Variants in NEDD4L observed in about 807,000 individuals in gnomAD.
The protein encoded by NEDD4L is NEDD4 like E3 ubiquitin protein ligase.
NEDD4L carries 54 observed loss-of-function variants against 148.9 expected under a neutral mutation model. That is an observed-to-expected ratio of 0.36 (90% CI 0.29 to 0.45). NEDD4L has a LOEUF of 0.45. Among genes scored for constraint, NEDD4L ranks in the 20% least tolerant of loss-of-function variants. The pLI, the probability that NEDD4L is intolerant of heterozygous loss-of-function variation, is 1.00. For synonymous variants in NEDD4L, 433 were observed against 440.7 expected (o/e 0.98, Z 0.22); for missense variants, 856 against 1,233.8 (o/e 0.69, Z 4.59).
chr18:58,245,955 C>T (rs1247612646), intron 3 of NEDD4L, among the ~76,000 whole-genome samples: 2 of 150,752 alleles, frequency 1.3e-5, no homozygotes, highest in Non-Finnish European at 2.9e-5. Flanking sequence ...GTCGTGGACT[C>T]CCAAAGTGCT....
intron 1 of NEDD4L, among the ~76,000 whole-genome samples, chr18:58,152,057 A>G (rs977522437): frequency 2.0e-5 from 3 of 152,118 alleles, no homozygotes; most frequent in East Asian, 3.8e-4. Context: ...CTCCTATGAA[A>G]ACAATTTAAT....
At chr18:58,248,825 T>C in intron 3 of NEDD4L, 74 bp from the exon 4 acceptor site, 1 of 756,240 alleles carries the variant, frequency 1.3e-6, no homozygotes, top group East Asian at 2.8e-5. Flanking sequence ...TAAGCAAATA[T>C]GTAGACTGTA....
At chr18:58,198,129 T>G (rs1417347385) in intron 2 of NEDD4L, among the ~76,000 whole-genome samples, 1 of 152,122 alleles carries the variant, frequency 6.6e-6, no homozygotes, top group Admixed American at 6.6e-5. Context: ...CCTAGATATG[T>G]GATGGTGGTA....
chr18:58,372,072 T>C (rs2046952623), intron 23 of NEDD4L: 1 of 152,216 alleles, frequency 6.6e-6, no homozygotes, highest in African/African-American at 2.4e-5. Context: ...AGAAAGGGGA[T>C]AACTTAAAAC....
intron 2 of NEDD4L, among the ~76,000 whole-genome samples, chr18:58,218,375 A>G (rs755511898): frequency 6.6e-6 from 1 of 152,228 alleles, no homozygotes; most frequent in Admixed American, 6.5e-5. Context: ...TGTAAGCAAT[A>G]TACAATTAAA....
At chr18:58,121,734 TA>T (rs1190875998) in intron 1 of NEDD4L, among the ~76,000 whole-genome samples, 5 of 152,236 alleles carry the variant, frequency 3.3e-5, no homozygotes, top group Non-Finnish European at 7.3e-5. Flanking sequence ...ATGTTTATTA[TA>T]TTTTCTGATT....
chr18:58,282,759 T>C (rs1371537486), intron 5 of NEDD4L, among the ~76,000 whole-genome samples: 1 of 152,116 alleles, frequency 6.6e-6, no homozygotes, highest in Non-Finnish European at 1.5e-5. Flanking sequence ...CCTAATAATA[T>C]AGAAAAAAGA....
chr18:58,323,929 G>T (rs1230551996), intron 8 of NEDD4L, among the ~76,000 whole-genome samples: 1 of 152,082 alleles, frequency 6.6e-6, no homozygotes, highest in African/African-American at 2.4e-5. Flanking sequence ...GTTTTGTTAG[G>T]CAAATTCTCA....
chr18:58,112,214 G>A (rs1296887368), intron 1 of NEDD4L, among the ~76,000 whole-genome samples: 1 of 152,048 alleles, frequency 6.6e-6, no homozygotes, highest in Non-Finnish European at 1.5e-5. Context: ...TATTTTTTCA[G>A]TGTTTAGGTT....
intron 1 of NEDD4L, among the ~76,000 whole-genome samples, chr18:58,084,677 GT>G (rs1428642215): frequency 4.1e-5 from 6 of 145,656 alleles, no homozygotes; most frequent in Non-Finnish European, 7.6e-5. Flanking sequence ...GTTTTTGTGT[GT>G]GTGTGTGTGT....
chr18:58,179,928 A>C (rs1568338043), intron 2 of NEDD4L, among the ~76,000 whole-genome samples: 1 of 152,036 alleles, frequency 6.6e-6, no homozygotes, highest in Non-Finnish European at 1.5e-5. Context: ...CCAACCCCCA[A>C]ACCAGCCTGG....
chr18:58,302,217 C>T lies in NEDD4L; in HGVS notation c.298-13765C>T, dbSNP rs181901805. 2.4e-4 allele frequency among the ~76,000 whole-genome samples: 36 copies of T among 152,278 alleles called. No individual in the cohort carries two copies. The East Asian group carries it at 6.9e-3, about 29-fold the overall frequency. On this transcript the variant is annotated intron_variant, in intron 5 of 30. Coordinates refer to ENST00000400345, the MANE Select transcript of NEDD4L (RefSeq NM_001144967.3). ...ATCATGTATACACATTGGTGAATAG[C>T]TTCCCACTAGATAATGTTTTAAAGG...
intron 5 of NEDD4L, among the ~76,000 whole-genome samples, chr18:58,299,072 T>G (rs1479954527): frequency 6.6e-6 from 1 of 152,242 alleles, no homozygotes; most frequent in African/African-American, 2.4e-5. Context: ...TGAAGAAGGC[T>G]TGTGGCTCAG....
At chr18:58,210,728 G>A (rs1254075852) in intron 2 of NEDD4L, among the ~76,000 whole-genome samples, 1 of 151,950 alleles carries the variant, frequency 6.6e-6, no homozygotes, top group African/African-American at 2.4e-5. Context: ...ACATGGAAAG[G>A]TTCCCAGTTC....
intron 16 of NEDD4L, among the ~76,000 whole-genome samples, chr18:58,346,428 A>G (rs1233428864): frequency 1.3e-5 from 2 of 152,184 alleles, no homozygotes; most frequent in Admixed American, 1.3e-4. Flanking sequence ...TTCAACGCAT[A>G]TTAGTATATT....
At position 58,256,052 on chromosome 18, in the gene NEDD4L, C is replaced by T. The variant is rs1290525460; in HGVS notation, c.297+3998C>T. The T allele has an allele frequency of 2.4e-6, 3 of 1,229,270 alleles. No individual in the cohort carries two copies. The highest frequency in any genetic ancestry group is 3.0e-6 in the Non-Finnish European group (3 of 986,432). The allele number at this position is 1,229,270 out of a possible 1,614,324, so 76.1% of individuals were successfully genotyped here. A position where few individuals can be genotyped will look rare whatever the true frequency, so the allele number is the denominator to read the frequency against. ...CGCCACTGCCACCACGAGGGCCTCG[C>T]CCCAGAGTGGCTCCCGGGAGCCCTC... On this transcript the variant is annotated intron_variant, in intron 5 of 30. Coordinates refer to ENST00000400345, the MANE Select transcript of NEDD4L (RefSeq NM_001144967.3). This position sits in a 1 kb window ranked among gnomAD's most constrained non-coding sequence, Gnocchi z 5.2.
intron 1 of NEDD4L, among the ~76,000 whole-genome samples, chr18:58,087,599 G>A (rs557056032): frequency 2.6e-5 from 4 of 152,316 alleles, no homozygotes; most frequent in East Asian, 1.9e-4. Context: ...TACTGGCCAG[G>A]CACAGTGGCT....
chr18:58,275,092 A>C (rs545945283), intron 5 of NEDD4L, among the ~76,000 whole-genome samples: 1 of 152,248 alleles, frequency 6.6e-6, no homozygotes, highest in Non-Finnish European at 1.5e-5. Flanking sequence ...CAATTTAACT[A>C]GTAATAGCCT....
chr18:58,281,308 C>CT (rs113081403), intron 5 of NEDD4L, among the ~76,000 whole-genome samples: 63,996 of 146,288 alleles, frequency 0.44, 14,130 homozygotes, highest in African/African-American at 0.55. Flanking sequence ...AGTCTCTCTC[C>CT]TTTTTTTTTT....
Sources: gnomAD v4.1 joint callset for allele counts (sites outside exome capture counted in the v4.1 genomes callset) on GRCh38, gnomAD v4.1.1 for gene constraint, Gnocchi (gnomAD v3.1) non-coding constraint, MANE v1.5 for transcripts, NCBI Gene and HGNC (gene_info 2026-07-23, HGNC 2026-07-21) for gene names.